Variants in SHC3 observed in about 807,000 individuals in gnomAD.
The protein encoded by SHC3 is SHC adaptor protein 3, also known as SHC-transforming protein 3.
A neutral mutation model predicts 60.4 loss-of-function variants in SHC3; 15 were observed. The ratio of observed to expected loss-of-function variants is 0.25; its 90% CI spans 0.17 to 0.38. SHC3 has a LOEUF of 0.38. SHC3 is among the 10% of genes least tolerant of loss of function. The probability of loss-of-function intolerance (pLI) is 1.00; values close to 1 mark genes in which losing one functional copy is unlikely to be tolerated. For missense variants in SHC3, 677 were observed against 786.1 expected, an observed-to-expected ratio of 0.86 and a Z score of 1.66; for synonymous variants, 294 against 325.9, an observed-to-expected ratio of 0.90 and a Z score of 1.05.
chr9:89,129,506 A>C (rs1271349825), intron 1 of SHC3, among the ~76,000 whole-genome samples: 2 of 152,182 alleles, frequency 1.3e-5, no homozygotes, highest in African/African-American at 4.8e-5. Context: ...GCAGCCAGAG[A>C]GAAAGGTCGG....
intron 6 of SHC3, among the ~76,000 whole-genome samples, chr9:89,063,251 T>G (rs1040026041): frequency 1.3e-5 from 2 of 152,130 alleles, no homozygotes; most frequent in Non-Finnish European, 2.9e-5. Context: ...TGCCTCAGCC[T>G]CCCAAGTAGC....
intron 1 of SHC3, among the ~76,000 whole-genome samples, chr9:89,114,839 C>T (rs1436085007): frequency 6.6e-6 from 1 of 151,882 alleles, no homozygotes; most frequent in East Asian, 1.9e-4. Flanking sequence ...TATAAGACTA[C>T]CACCAGCAGC....
intron 1 of SHC3, among the ~76,000 whole-genome samples, chr9:89,172,710 T>C (rs909574194): frequency 6.6e-6 from 1 of 152,226 alleles, no homozygotes; most frequent in Non-Finnish European, 1.5e-5. Flanking sequence ...TTATGATAAA[T>C]TGCAAAATTG....
intron 1 of SHC3, among the ~76,000 whole-genome samples, chr9:89,138,878 T>C (rs944352560): frequency 2.6e-5 from 4 of 152,170 alleles, no homozygotes; most frequent in Non-Finnish European, 4.4e-5. Flanking sequence ...ATCAGTATAG[T>C]AAGGGTGATT....
At chr9:89,034,503 C>T (rs546542285) in intron 11 of SHC3, among the ~76,000 whole-genome samples, 70 of 152,296 alleles carry the variant, frequency 4.6e-4, no homozygotes, top group African/African-American at 1.5e-3. Context: ...TGAAATACCA[C>T]GTAAGGGTGA....
intron 1 of SHC3, among the ~76,000 whole-genome samples, chr9:89,172,755 T>C (rs1434570061): frequency 1.3e-5 from 2 of 152,252 alleles, no homozygotes; most frequent in Non-Finnish European, 2.9e-5. Context: ...CACACATAAC[T>C]GGTCATTTCT....
In SHC3 at chr9:89,042,155, C is replaced by A. The variant is rs753519861; in HGVS notation, c.1231G>T (p.Gly411Trp). The A allele has an allele frequency of 6.5e-7, 1 of 1,545,842 alleles. No individual in the cohort carries two copies. The highest frequency in any genetic ancestry group is 1.3e-5 in the South Asian group (1 of 79,124). The change falls in exon 10 of 12, where the codon GGG becomes TGG. Residue 411 changes from glycine (G) to tryptophan (W), a missense_variant. Transcript: ENST00000375835. The part of the protein sequence containing the change: ...GSSDIYSTPE[G>W]KLHVAPTGEA... ...CCCGTGGGGGCCACGTGCAGTTTCC[C>A]TTCTGGCGTGCTGTAGATGTCCGAG...
intron 1 of SHC3, 93 bp from the exon 2 acceptor site, chr9:89,112,719 C>A (rs1825968102): frequency 9.2e-7 from 1 of 1,082,704 alleles, no homozygotes; most frequent in Non-Finnish European, 1.3e-6. Context: ...GAGCCATACA[C>A]ATTTCTTAAA....
chr9:89,039,267 C>T (rs1824635522), intron 10 of SHC3, among the ~76,000 whole-genome samples: 1 of 152,202 alleles, frequency 6.6e-6, no homozygotes, highest in Admixed American at 6.5e-5. Flanking sequence ...ACAGTTCATT[C>T]AGTATAGTCA....
chr9:89,028,677 TAAAG>T (rs1824414845), intron 11 of SHC3, among the ~76,000 whole-genome samples: 1 of 146,492 alleles, frequency 6.8e-6, no homozygotes, highest in African/African-American at 2.5e-5. Context: ...GCTATCTATA[TAAAG>T]AGATAATCTA....
intron 11 of SHC3, among the ~76,000 whole-genome samples, chr9:89,035,858 T>A: frequency 1.1e-5 from 1 of 88,722 alleles, no homozygotes; most frequent in African/African-American, 5.1e-5. Flanking sequence ...TAGATGTGTG[T>A]GTGTGTGTGT....
At position 89,151,956 on chromosome 9, in the gene SHC3, G is replaced by A. The variant is rs1276926781; in HGVS notation, c.474+26031C>T. Among the ~76,000 whole-genome samples the A allele has an allele frequency of 2.0e-5, 3 of 152,188 alleles. No individual in the cohort carries two copies. In the East Asian group the frequency reaches 5.8e-4, roughly 29 times the overall value. On this transcript the variant is annotated intron_variant, in intron 1 of 11. Coordinates refer to ENST00000375835, the MANE Select transcript of SHC3 (RefSeq NM_016848.6). The stretch of plus-strand genomic sequence containing the variant: ...TATTAACTAAAAGTATTCAGATTCA[G>A]TACTAAAAGTATTCAGATTCAGTAA...
intron 2 of SHC3, among the ~76,000 whole-genome samples, chr9:89,108,179 T>C (rs1190813265): frequency 6.6e-6 from 1 of 152,156 alleles, no homozygotes; most frequent in African/African-American, 2.4e-5. Context: ...CACTCTACGA[T>C]GTTCACACAA....
chr9:89,013,754 G>T (rs1405144597), intron 11 of SHC3, among the ~76,000 whole-genome samples, 179 bp from the exon 12 acceptor site: 1 of 152,146 alleles, frequency 6.6e-6, no homozygotes, highest in Non-Finnish European at 1.5e-5. Context: ...CCATTTCATT[G>T]GTTGGGCTCA....
chr9:89,028,125 T>C (rs1317620499), intron 11 of SHC3, among the ~76,000 whole-genome samples: 2 of 152,202 alleles, frequency 1.3e-5, no homozygotes, highest in Non-Finnish European at 2.9e-5. Context: ...CCTCCCCTTC[T>C]CAACCTAAAG....
chr9:89,066,452 T>C (rs1456344822), intron 5 of SHC3, among the ~76,000 whole-genome samples: 2 of 152,200 alleles, frequency 1.3e-5, no homozygotes, highest in Non-Finnish European at 2.9e-5. Flanking sequence ...GAAATGTGAG[T>C]TTCTTTGCCT....
At chr9:89,161,638 C>T (rs1034400208) in intron 1 of SHC3, among the ~76,000 whole-genome samples, 7 of 151,950 alleles carry the variant, frequency 4.6e-5, no homozygotes, top group African/African-American at 1.7e-4. Flanking sequence ...CAATATCATA[C>T]TGAATGGGCA....
Position 89,177,239 on chromosome 9 carries a change from C to T in SHC3, c.474+748G>A, listed in dbSNP as rs1377319861. Among the ~76,000 whole-genome samples, 4 of 152,200 alleles carry T rather than the reference C, an allele frequency of 2.6e-5. No individual in the cohort carries two copies. In the East Asian group the frequency reaches 5.8e-4, roughly 22 times the overall value. ...AAGGGTGGAATTTTATTGACTACAT[C>T]GTGATTTTATCATCTTTGTGTTGGA... On this transcript the variant is annotated intron_variant, in intron 1 of 11. Transcript: ENST00000375835.
At chr9:89,103,690 G>T (rs1460763812) in intron 2 of SHC3, among the ~76,000 whole-genome samples, 2 of 152,172 alleles carry the variant, frequency 1.3e-5, no homozygotes, top group Non-Finnish European at 2.9e-5. Context: ...CATTTCCTAG[G>T]CAGCATGTTA....
Sources: gnomAD v4.1 joint callset for allele counts (sites outside exome capture counted in the v4.1 genomes callset) on GRCh38, gnomAD v4.1.1 for gene constraint, MANE v1.5 for transcripts, NCBI Gene and HGNC (gene_info 2026-07-23, HGNC 2026-07-21) for gene names.